PM20D2: variants seen among roughly 807,000 people sequenced by gnomAD.
PM20D2 encodes the protein peptidase M20 domain containing 2.
In PM20D2, 33 loss-of-function variants were observed where a neutral mutation model predicts 42.9. The ratio of observed to expected loss-of-function variants is 0.77; its 90% CI spans 0.58 to 1.03. The LOEUF is 1.03. Among genes scored for constraint, PM20D2 ranks in the 50% least tolerant of loss-of-function variants. PM20D2 has a pLI of 0.00. For missense variants in PM20D2, 548 were observed against 557.0 expected, an observed-to-expected ratio of 0.98 and a Z score of 0.16; for synonymous variants, 250 against 228.2, an observed-to-expected ratio of 1.10 and a Z score of -0.86.
chr6:89,099,902 T>C, the PM20D2 span, among the ~76,000 whole-genome samples: 19 of 152,204 alleles, frequency 1.2e-4, no homozygotes, highest in South Asian at 1.7e-3. Flanking sequence ...TGGAGGATAA[T>C]CAACACAAGC....
the PM20D2 span, among the ~76,000 whole-genome samples, chr6:89,138,586 T>C: frequency 1.4e-4 from 21 of 152,102 alleles, no homozygotes; most frequent in African/African-American, 5.1e-4. Flanking sequence ...TCTCTATCAG[T>C]CCTGGCATGG....
intron 2 of PM20D2, among the ~76,000 whole-genome samples, chr6:89,149,980 G>A (rs1770772601): frequency 6.6e-6 from 1 of 152,126 alleles, no homozygotes; most frequent in South Asian, 2.1e-4. Context: ...TAGTACCTAG[G>A]AGCACACATC....
rs2277075 is a variant in PM20D2 at position 89,149,258 on chromosome 6, C to T, written c.466-7C>T. Reference sequence around the variant, plus strand: ...TGTTTTTCCCTGACATGAGTATTTCCTTCTAGGTAGTTGTCCTGGGAACCC... The same window carrying T: ...TGTTTTTCCCTGACATGAGTATTTCTTTCTAGGTAGTTGTCCTGGGAACCC... On this transcript the variant is annotated splice_region_variant and splice_polypyrimidine_tract_variant and intron_variant, in intron 1 of 6. Coordinates refer to ENST00000275072, the MANE Select transcript of PM20D2 (RefSeq NM_001010853.3). 0.016 allele frequency: 25,960 copies of T among 1,612,628 alleles called. 1,867 individuals are homozygous for T. In the African/African-American group the frequency reaches 0.21, roughly 13 times the overall value.
Position 89,146,640 on chromosome 6 carries a change from C to T in PM20D2, c.465+31C>T, listed in dbSNP as rs960673843. The T allele has an allele frequency of 8.7e-6, 12 of 1,375,126 alleles. No individual in the cohort carries two copies. The African/African-American group carries it at 1.7e-4, about 19-fold the overall frequency. The allele number at this position is 1,375,126 out of a possible 1,614,324, so 85.2% of individuals were successfully genotyped here. On this transcript the variant is annotated intron_variant, in intron 1 of 6. Transcript: ENST00000275072. ...GTGGGGCCCGGGTGCGGGACCCTAT[C>T]CGACTGCCCGGGTCGGGGGCGACCC...
the PM20D2 span, among the ~76,000 whole-genome samples, chr6:89,104,734 A>C: frequency 6.6e-6 from 1 of 152,098 alleles, no homozygotes; most frequent in African/African-American, 2.4e-5. Flanking sequence ...AAAATGACTA[A>C]GGTGGACTGT....
intron 1 of PM20D2, 49 bp downstream of exon 1, chr6:89,146,658 G>A (rs1770578182): frequency 7.6e-7 from 1 of 1,323,532 alleles, no homozygotes; most frequent in Non-Finnish European, 9.7e-7. Context: ...CCGGGTCGGG[G>A]GCGACCCGGG....
intron 4 of PM20D2, among the ~76,000 whole-genome samples, chr6:89,156,447 A>C (rs1032462722): frequency 4.6e-5 from 7 of 152,202 alleles, no homozygotes; most frequent in African/African-American, 1.7e-4. Context: ...GAATTAAATG[A>C]GATAATGTTT....
At chr6:89,117,038 C>G in the PM20D2 span, among the ~76,000 whole-genome samples, 1 of 152,030 alleles carries the variant, frequency 6.6e-6, no homozygotes, top group African/African-American at 2.4e-5. Flanking sequence ...TCCCTCTCCC[C>G]CCGCCCCCAA....
chr6:89,129,420 G>T, the PM20D2 span, among the ~76,000 whole-genome samples: 1 of 152,064 alleles, frequency 6.6e-6, no homozygotes, highest in Admixed American at 6.6e-5. Flanking sequence ...GGAATTTGAG[G>T]CTGCAGTAAG....
intron 2 of PM20D2, among the ~76,000 whole-genome samples, chr6:89,151,807 G>T (rs888702746): frequency 1.5e-4 from 23 of 152,016 alleles, no homozygotes; most frequent in Admixed American, 6.6e-5. Context: ...TTCCGGTTTT[G>T]CCAGGCCAGG....
chr6:89,152,586 A>C (rs1186294444), intron 2 of PM20D2, among the ~76,000 whole-genome samples: 3 of 152,116 alleles, frequency 2.0e-5, no homozygotes, highest in Non-Finnish European at 4.4e-5. Context: ...ATATAATCTG[A>C]TTTTCAGAGG....
At chr6:89,150,946 G>A (rs879785207) in intron 2 of PM20D2, among the ~76,000 whole-genome samples, 2 of 151,542 alleles carry the variant, frequency 1.3e-5, no homozygotes, top group Non-Finnish European at 2.9e-5. Flanking sequence ...CTGAGGTTAG[G>A]AGTTCGAGAC....
At chr6:89,161,744 A>G (rs1209056982) in intron 5 of PM20D2, 39 bp from the exon 6 acceptor site, 2 of 1,463,894 alleles carry the variant, frequency 1.4e-6, no homozygotes, top group East Asian at 2.3e-5. Context: ...TTAACCACAT[A>G]TACTTAAATA....
chr6:89,121,626 G>A, the PM20D2 span, among the ~76,000 whole-genome samples: 46 of 152,096 alleles, frequency 3.0e-4, no homozygotes, highest in African/African-American at 1.1e-3. Context: ...ATTGCTTTAA[G>A]GCACCAAATG....
chr6:89,125,970 C>T, the PM20D2 span, among the ~76,000 whole-genome samples: 1 of 151,922 alleles, frequency 6.6e-6, no homozygotes, highest in South Asian at 2.1e-4. Flanking sequence ...CCTGTAGCCC[C>T]AGCTACTTGA....
the PM20D2 span, among the ~76,000 whole-genome samples, chr6:89,129,393 A>G: frequency 6.6e-6 from 1 of 152,218 alleles, no homozygotes; most frequent in Admixed American, 6.5e-5. Flanking sequence ...CCAACGCAGG[A>G]GGATTGCTTC....
chr6:89,113,687 C>G, the PM20D2 span, among the ~76,000 whole-genome samples: 2 of 152,018 alleles, frequency 1.3e-5, no homozygotes, highest in African/African-American at 4.8e-5. Flanking sequence ...CTCACTCTCA[C>G]CCCCGGAGTG....
chr6:89,147,144 T>TA (rs1366596377), intron 1 of PM20D2, among the ~76,000 whole-genome samples: 1 of 152,174 alleles, frequency 6.6e-6, no homozygotes, highest in Non-Finnish European at 1.5e-5. Flanking sequence ...AGTATACAAA[T>TA]AAAGGGGAAG....
the PM20D2 span, chr6:89,106,862 C>T: frequency 3.6e-5 from 15 of 417,160 alleles, no homozygotes; most frequent in Non-Finnish European, 6.0e-5. Context: ...AAAGACTTCC[C>T]CTCTTCCAGG....
Sources: allele counts gnomAD v4.1 joint callset (sites outside exome capture counted in the v4.1 genomes callset), GRCh38; gene constraint gnomAD v4.1.1; transcripts MANE v1.5; gene names NCBI Gene and HGNC (gene_info 2026-07-23, HGNC 2026-07-21).